The following ARHGEF7 variants were observed in gnomAD, a reference collection of about 807,000 sequenced individuals.
ARHGEF7 encodes Rho guanine nucleotide exchange factor 7, also known as PAK-interacting exchange factor beta.
Under a neutral mutation model 109.8 loss-of-function variants are expected in ARHGEF7, and 33 were observed. The ratio of observed to expected loss-of-function variants is 0.30; its 90% CI spans 0.23 to 0.40. The LOEUF (loss-of-function observed/expected upper bound fraction) is 0.40, where lower values mean the gene tolerates loss of function less well. Ranked by LOEUF, ARHGEF7 falls within the 10% of genes least tolerant of loss-of-function variation. ARHGEF7 has a pLI of 1.00. For synonymous variants in ARHGEF7, 458 were observed against 424.6 expected, an observed-to-expected ratio of 1.08 and a Z score of -0.97; for missense variants, 938 against 1,098.5, an observed-to-expected ratio of 0.85 and a Z score of 2.07.
At chr13:111,118,027 G>A (rs1314705032) in intron 1 of ARHGEF7, among the ~76,000 whole-genome samples, 1 of 152,226 alleles carries the variant, frequency 6.6e-6, no homozygotes, top group Non-Finnish European at 1.5e-5. Context: ...GACATGACAG[G>A]GGCTTCGCTT....
intron 9 of ARHGEF7, among the ~76,000 whole-genome samples, chr13:111,269,804 C>T (rs970282178): frequency 1.3e-5 from 2 of 152,160 alleles, no homozygotes; most frequent in Non-Finnish European, 2.9e-5. Flanking sequence ...TCCTCCCCAC[C>T]CCAAAGACAC....
At position 111,255,618 on chromosome 13, in the gene ARHGEF7, C is replaced by G. The variant is rs981021077; in HGVS notation, c.950+11324C>G. ...AACTTCAGTTGTGAAAATGTAACTTCGCACTGGCTTTGGAGGGCCCTGAGT... is the reference window on the plus strand; with the variant it reads ...AACTTCAGTTGTGAAAATGTAACTTGGCACTGGCTTTGGAGGGCCCTGAGT... On this transcript the variant is annotated intron_variant, in intron 8 of 21. Coordinates refer to ENST00000646102, the MANE Select transcript of ARHGEF7 (RefSeq NM_001354046.2). This position sits in a 1 kb window ranked among gnomAD's most constrained non-coding sequence, Gnocchi z 4.1. Among the ~76,000 whole-genome samples, 1 of 152,236 alleles carries G rather than the reference C, an allele frequency of 6.6e-6. No individual in the cohort carries two copies. Among genetic ancestry groups the G allele is most frequent in the Non-Finnish European group, 1.5e-5 (1 of 68,044 alleles).
At chr13:111,166,802 G>A (rs757914494) in intron 2 of ARHGEF7, among the ~76,000 whole-genome samples, 3 of 152,204 alleles carry the variant, frequency 2.0e-5, no homozygotes, top group African/African-American at 4.8e-5. Context: ...TCAGGGATGC[G>A]GCCTGGGCTG....
At chr13:111,188,148 T>C (rs1269149645) in intron 2 of ARHGEF7, among the ~76,000 whole-genome samples, 1 of 152,196 alleles carries the variant, frequency 6.6e-6, no homozygotes. Context: ...TTGTCCGTTC[T>C]CTGAGGACTC....
At chr13:111,117,041 C>T (rs1408515829) in intron 1 of ARHGEF7, among the ~76,000 whole-genome samples, 1 of 152,198 alleles carries the variant, frequency 6.6e-6, no homozygotes, top group Non-Finnish European at 1.5e-5. Context: ...ATTCAAAATA[C>T]TTTGCTGTTT....
intron 2 of ARHGEF7, among the ~76,000 whole-genome samples, chr13:111,177,123 A>T (rs1299379362): frequency 2.0e-5 from 3 of 152,196 alleles, no homozygotes. Flanking sequence ...GACTTCACCG[A>T]ATTAACTCAT....
In ARHGEF7 at chr13:111,218,111, C is replaced by T. The variant is rs75747221; in HGVS notation, c.670+231C>T. 9.4e-3 allele frequency among the ~76,000 whole-genome samples: 1,430 copies of T among 152,076 alleles called. 12 individuals are homozygous for T. The highest frequency in any genetic ancestry group is 0.016 in the Non-Finnish European group (1,085 of 67,998). On this transcript the variant is annotated intron_variant, in intron 5 of 21. Transcript: ENST00000646102. ...TCCTTTCATCCTGGCATTTTCCAGA[C>T]GTGAAGAGAAACATCTCGAATCTTT...
At chr13:111,177,327 C>T (rs962341489) in intron 2 of ARHGEF7, among the ~76,000 whole-genome samples, 1 of 152,230 alleles carries the variant, frequency 6.6e-6, no homozygotes, top group Non-Finnish European at 1.5e-5. Context: ...GTTGTGTTAT[C>T]GTCCTTTTGT....
chr13:111,283,887 G>A (rs569446461), intron 16 of ARHGEF7, among the ~76,000 whole-genome samples: 2 of 152,220 alleles, frequency 1.3e-5, no homozygotes, highest in South Asian at 4.1e-4. Context: ...TGCGGTCTTT[G>A]CTTGTCTCTG....
chr13:111,276,590 GC>G (rs1489405185), intron 12 of ARHGEF7, among the ~76,000 whole-genome samples: 16 of 152,146 alleles, frequency 1.1e-4, no homozygotes, highest in African/African-American at 3.9e-4. Context: ...ACTCCAAAAT[GC>G]TTCAGAGTGG....
At chr13:111,149,743 A>T (rs2075798748) in intron 1 of ARHGEF7, among the ~76,000 whole-genome samples, 1 of 152,234 alleles carries the variant, frequency 6.6e-6, no homozygotes, top group South Asian at 2.1e-4. Flanking sequence ...AGTCATAAGT[A>T]CACACATGCA....
At chr13:111,292,582 TG>T (rs1291211352) in intron 19 of ARHGEF7, 3 of 1,307,838 alleles carry the variant, frequency 2.3e-6, no homozygotes, top group Admixed American at 7.5e-5. Context: ...AAGGGGTAGT[TG>T]TTGTTTTATA....
intron 2 of ARHGEF7, among the ~76,000 whole-genome samples, chr13:111,205,068 T>A (rs1183442187): frequency 2.0e-5 from 3 of 151,640 alleles, no homozygotes; most frequent in Non-Finnish European, 4.4e-5. Context: ...GGGTAGGGAA[T>A]TGGCCTAATG....
intron 1 of ARHGEF7, among the ~76,000 whole-genome samples, chr13:111,142,256 G>A (rs954004358): frequency 6.6e-6 from 1 of 151,968 alleles, no homozygotes; most frequent in African/African-American, 2.4e-5. Flanking sequence ...CCTCCCTGTT[G>A]GTGGCTTGTC....
chr13:111,170,217 C>T (rs1157149590), intron 2 of ARHGEF7, among the ~76,000 whole-genome samples: 1 of 152,186 alleles, frequency 6.6e-6, no homozygotes, highest in Admixed American at 6.5e-5. Flanking sequence ...CATGCCTCAA[C>T]CTCTCGAGTA....
intron 2 of ARHGEF7, among the ~76,000 whole-genome samples, chr13:111,204,545 A>G (rs2081555153): frequency 6.6e-6 from 1 of 152,180 alleles, no homozygotes; most frequent in East Asian, 1.9e-4. Flanking sequence ...CACGCGTTCT[A>G]GACACTAGTT....
At chr13:111,135,435 T>C (rs1164534939) in intron 1 of ARHGEF7, among the ~76,000 whole-genome samples, 1 of 152,250 alleles carries the variant, frequency 6.6e-6, no homozygotes, top group Non-Finnish European at 1.5e-5. Flanking sequence ...CCCATGAGCA[T>C]GGAATGTTCC....
At chr13:111,296,113 A>G (rs1179993900) in intron 19 of ARHGEF7, among the ~76,000 whole-genome samples, 2 of 151,910 alleles carry the variant, frequency 1.3e-5, no homozygotes, top group East Asian at 3.9e-4. Flanking sequence ...GCGAGCTGGC[A>G]CTCGGGGCCC....
intron 3 of ARHGEF7, among the ~76,000 whole-genome samples, chr13:111,206,325 CGGT>C (rs2081848531): frequency 6.6e-6 from 1 of 151,928 alleles, no homozygotes; most frequent in Non-Finnish European, 1.5e-5. Context: ...GAGGCTTCAT[CGGT>C]GGTGCAGGGA....
Sources: allele counts gnomAD v4.1 joint callset (sites outside exome capture counted in the v4.1 genomes callset), GRCh38; gene constraint gnomAD v4.1.1; non-coding constraint Gnocchi (gnomAD v3.1); transcripts MANE v1.5; gene names NCBI Gene and HGNC (gene_info 2026-07-23, HGNC 2026-07-21).